Variants in RARB observed in about 807,000 individuals in gnomAD.
RARB encodes the protein HBV-activated protein.
Under a neutral mutation model 51.9 loss-of-function variants are expected in RARB, and 17 were observed. The ratio of observed to expected loss-of-function variants is 0.33; its 90% CI spans 0.22 to 0.49. The LOEUF (loss-of-function observed/expected upper bound fraction) is 0.49. RARB is among the 20% of genes least tolerant of loss of function. The probability of loss-of-function intolerance (pLI) is 0.99; values close to 1 mark genes in which losing one functional copy is unlikely to be tolerated. For synonymous variants in RARB, 215 were observed against 195.4 expected (o/e 1.10, Z -0.84); for missense variants, 369 against 550.8 (o/e 0.67, Z 3.30).
intron 5 of RARB, among the ~76,000 whole-genome samples, chr3:25,179,716 T>G (rs568746269): frequency 2.1e-4 from 32 of 152,288 alleles, no homozygotes; most frequent in African/African-American, 7.7e-4. Flanking sequence ...GTGGACTTTC[T>G]TAGGCCCAGA....
chr3:25,243,238 A>G (rs904236365), intron 5 of RARB, among the ~76,000 whole-genome samples: 5 of 152,178 alleles, frequency 3.3e-5, no homozygotes, highest in Non-Finnish European at 7.4e-5. Context: ...TAAATATACA[A>G]TCATGTCATC....
chr3:25,115,551 T>C (rs1346330333), intron 3 of RARB, among the ~76,000 whole-genome samples: 2 of 152,106 alleles, frequency 1.3e-5, no homozygotes, highest in Non-Finnish European at 2.9e-5. Flanking sequence ...CCTTCTTTGC[T>C]TCTTTTCTCC....
At chr3:24,937,898 G>C (rs1695579478) in intron 2 of RARB, among the ~76,000 whole-genome samples, 1 of 152,116 alleles carries the variant, frequency 6.6e-6, no homozygotes, top group Non-Finnish European at 1.5e-5. Flanking sequence ...AAAAAATCTA[G>C]AAACAGGGTG....
rs529031383 is a variant in RARB, at chr3:24,853,273, C to T, written c.-458-5401C>T. 1.6e-4 allele frequency among the ~76,000 whole-genome samples: 25 copies of T among 152,064 alleles called. No individual in the cohort carries two copies. The East Asian group carries it at 2.1e-3, about 13-fold the overall frequency. On this transcript the variant is annotated intron_variant, in intron 1 of 11. Coordinates refer to the RARB transcript ENST00000383772. The stretch of plus-strand genomic sequence containing the variant: ...CGGAGCTTGCAGTGAGCCCAGATCG[C>T]GCCACTGCACTCCAGCCTGGGTGAC...
intron 3 of RARB, among the ~76,000 whole-genome samples, chr3:25,536,021 G>A (rs1414021075): frequency 6.6e-6 from 1 of 152,140 alleles, no homozygotes; most frequent in Admixed American, 6.6e-5. Flanking sequence ...TAGCGAAGGT[G>A]AGGAGGACAT....
At chr3:25,183,773 G>A (rs879704188) in intron 5 of RARB, among the ~76,000 whole-genome samples, 1 of 152,110 alleles carries the variant, frequency 6.6e-6, no homozygotes, top group African/African-American at 2.4e-5. Flanking sequence ...TCTTTCAACA[G>A]TCAAATTGTA....
chr3:25,241,971 C>G (rs372954652), intron 5 of RARB, among the ~76,000 whole-genome samples: 1 of 152,218 alleles, frequency 6.6e-6, no homozygotes, highest in African/African-American at 2.4e-5. Context: ...TCTCCAGCAT[C>G]TGTTGTTTCC....
Position 25,208,078 on chromosome 3 carries a change from T to A in RARB, c.178+33503T>A, listed in dbSNP as rs78582253. 6.0e-3 allele frequency among the ~76,000 whole-genome samples: 916 copies of A among 152,006 alleles called. 17 individuals are homozygous for A. The highest frequency in any genetic ancestry group is 0.028 in the East Asian group (145 of 5,148). ...CCGTTAAGCAACCGGATCTCATGAG[T>A]ACTCACTCATTATTGCAAGGACAGT... On this transcript the variant is annotated intron_variant, in intron 5 of 11. Transcript: ENST00000383772.
chr3:25,473,646 G>A (rs1035365732), intron 2 of RARB, among the ~76,000 whole-genome samples: 8 of 152,124 alleles, frequency 5.3e-5, no homozygotes, highest in East Asian at 1.9e-4. Context: ...AAGGTGGCCC[G>A]TCTGCCAGGG....
intron 5 of RARB, among the ~76,000 whole-genome samples, chr3:25,293,455 G>A (rs1703837157): frequency 6.6e-6 from 1 of 151,808 alleles, no homozygotes; most frequent in Admixed American, 6.6e-5. Context: ...GCTTCTTTTT[G>A]TAGTTGATGC....
At chr3:25,281,870 T>C (rs1342189986) in intron 5 of RARB, among the ~76,000 whole-genome samples, 1 of 152,204 alleles carries the variant, frequency 6.6e-6, no homozygotes, top group East Asian at 1.9e-4. Flanking sequence ...GGATATCTCC[T>C]GTTTGGAAGG....
intron 2 of RARB, among the ~76,000 whole-genome samples, chr3:24,876,329 T>G (rs1051452788): frequency 6.6e-6 from 1 of 152,172 alleles, no homozygotes; most frequent in Non-Finnish European, 1.5e-5. Flanking sequence ...CTGAAGTATT[T>G]GCTTAATGGT....
intron 4 of RARB, among the ~76,000 whole-genome samples, chr3:25,166,583 GA>G (rs143927448): frequency 6.6e-6 from 1 of 152,102 alleles, no homozygotes; most frequent in Non-Finnish European, 1.5e-5. Flanking sequence ...ACAAGACATT[GA>G]AAAAATCTCT....
At chr3:24,898,325 ATAT>A (rs1255236041) in intron 2 of RARB, among the ~76,000 whole-genome samples, 1 of 124,118 alleles carries the variant, frequency 8.1e-6, no homozygotes, top group Non-Finnish European at 1.6e-5. Context: ...TATAAATATA[ATAT>A]TTATATTGTA....
intron 5 of RARB, among the ~76,000 whole-genome samples, chr3:25,220,506 C>T (rs995705051): frequency 2.6e-5 from 4 of 152,132 alleles, no homozygotes; most frequent in Non-Finnish European, 2.9e-5. Flanking sequence ...ATAATTCCCA[C>T]GTATCAAGGG....
At chr3:25,321,899 G>C (rs192029960) in intron 5 of RARB, among the ~76,000 whole-genome samples, 11 of 151,834 alleles carry the variant, frequency 7.2e-5, no homozygotes, top group Admixed American at 4.6e-4. Context: ...AAGATTATTT[G>C]GGGAATTTGT....
chr3:25,575,370 A>G (rs1440809095), intron 4 of RARB, among the ~76,000 whole-genome samples: 4 of 152,200 alleles, frequency 2.6e-5, no homozygotes, highest in Non-Finnish European at 5.9e-5. Context: ...TGCAACAAAC[A>G]ATGACTGCAT....
intron 3 of RARB, among the ~76,000 whole-genome samples, chr3:25,109,548 G>A (rs79527785): frequency 0.011 from 1,682 of 152,228 alleles, 36 homozygotes; most frequent in African/African-American, 0.039. Flanking sequence ...GGATATGCTG[G>A]TTATTAAAAT....
At chr3:25,570,311 G>A (rs1385891195) in intron 4 of RARB, among the ~76,000 whole-genome samples, 1 of 152,190 alleles carries the variant, frequency 6.6e-6, no homozygotes, top group South Asian at 2.1e-4. Context: ...GGGTCATGAC[G>A]GACCTCTGTA....
Sources: allele counts gnomAD v4.1 joint callset (sites outside exome capture counted in the v4.1 genomes callset), GRCh38; gene constraint gnomAD v4.1.1; transcripts MANE v1.5; gene names NCBI Gene and HGNC (gene_info 2026-07-23, HGNC 2026-07-21).